Variants in XYLT1 observed in about 807,000 individuals in gnomAD.
The protein encoded by XYLT1 is beta-D-xylosyltransferase 1.
In XYLT1, 36 loss-of-function variants were observed where a neutral mutation model predicts 91.3. The ratio of observed to expected loss-of-function variants is 0.39; its 90% CI spans 0.30 to 0.52. XYLT1 has a LOEUF of 0.52. Ranked by LOEUF, XYLT1 falls within the 20% of genes least tolerant of loss-of-function variation. XYLT1 has a pLI of 0.68. For synonymous variants in XYLT1, 588 were observed against 532.0 expected (o/e 1.11, Z -1.45); for missense variants, 1,242 against 1,284.5 (o/e 0.97, Z 0.51).
At chr16:17,448,601 A>C (rs369440004) in intron 1 of XYLT1, among the ~76,000 whole-genome samples, 78 of 151,874 alleles carry the variant, frequency 5.1e-4, no homozygotes, top group African/African-American at 1.8e-3. Flanking sequence ...AGAGTTGACC[A>C]GGCAAATCTC....
Position 17,418,754 on chromosome 16 carries a change from G to T in XYLT1, c.363+51680C>A, listed in dbSNP as rs1025455320. On this transcript the variant is annotated intron_variant, in intron 1 of 11. Transcript: ENST00000261381. ...TCCCAGCTAGTTGGGAGTCTGAGGT[G>T]GGAGGCTCGCTTGAGACCTGGACAT... 2.6e-5 allele frequency among the ~76,000 whole-genome samples: 4 copies of T among 152,018 alleles called. No homozygotes were observed. The East Asian group carries it at 7.7e-4, about 29-fold the overall frequency.
chr16:17,426,371 C>T (rs902366658), intron 1 of XYLT1, among the ~76,000 whole-genome samples: 1 of 152,024 alleles, frequency 6.6e-6, no homozygotes, highest in Admixed American at 6.6e-5. Context: ...ACCAGCCTGG[C>T]CAACATGGTG....
chr16:17,226,794 A>G (rs1298860669), intron 3 of XYLT1, among the ~76,000 whole-genome samples: 1 of 152,140 alleles, frequency 6.6e-6, no homozygotes, highest in Non-Finnish European at 1.5e-5. Context: ...AAAAATAAAA[A>G]CGAAGTTTCC....
intron 9 of XYLT1, 90 bp downstream of exon 9, chr16:17,134,383 C>A: frequency 1.3e-6 from 2 of 1,522,070 alleles, no homozygotes; most frequent in South Asian, 1.2e-5. Context: ...CATTGCAGAT[C>A]CCTAAAGAGG....
intron 2 of XYLT1, among the ~76,000 whole-genome samples, chr16:17,275,363 G>A (rs2033958310): frequency 6.6e-6 from 1 of 152,152 alleles, no homozygotes; most frequent in Non-Finnish European, 1.5e-5. Context: ...AACTACGCTT[G>A]GCTCAGTGCC....
chr16:17,165,678 G>C (rs2031664259), intron 5 of XYLT1, among the ~76,000 whole-genome samples: 1 of 152,210 alleles, frequency 6.6e-6, no homozygotes, highest in Non-Finnish European at 1.5e-5. Flanking sequence ...GGTGACAAGA[G>C]TGAAACTCTG....
intron 2 of XYLT1, among the ~76,000 whole-genome samples, chr16:17,331,136 C>T (rs1382760332): frequency 6.6e-6 from 1 of 152,232 alleles, no homozygotes; most frequent in Non-Finnish European, 1.5e-5. Context: ...GCTCTGTGCA[C>T]AGGCGAGGCC....
chr16:17,200,864 C>T (rs527340642), intron 3 of XYLT1, among the ~76,000 whole-genome samples: 33 of 152,264 alleles, frequency 2.2e-4, no homozygotes, highest in Non-Finnish European at 2.2e-4. Flanking sequence ...GGGGTTGTTA[C>T]GACATAGTTT....
At chr16:17,447,843 G>A (rs1024079975) in intron 1 of XYLT1, among the ~76,000 whole-genome samples, 16 of 152,308 alleles carry the variant, frequency 1.1e-4, no homozygotes, top group African/African-American at 3.4e-4. Flanking sequence ...TGGGGCTGCA[G>A]TAAGAGTTTT....
chr16:17,274,449 T>C (rs1007057368), intron 2 of XYLT1, among the ~76,000 whole-genome samples: 2 of 152,210 alleles, frequency 1.3e-5, no homozygotes, highest in African/African-American at 4.8e-5. Flanking sequence ...GTCCACTCCC[T>C]GACAGATGGG....
intron 2 of XYLT1, among the ~76,000 whole-genome samples, chr16:17,334,645 A>T (rs1323682875): frequency 2.6e-5 from 4 of 152,202 alleles, no homozygotes; most frequent in Non-Finnish European, 4.4e-5. Flanking sequence ...CAGTCTAGCA[A>T]GGACAGTGAG....
chr16:17,426,153 A>C (rs970109707), intron 1 of XYLT1, among the ~76,000 whole-genome samples: 4 of 152,230 alleles, frequency 2.6e-5, no homozygotes, highest in African/African-American at 9.7e-5. Context: ...AGAAGAAAGG[A>C]CAGATTCCTG....
At chr16:17,269,979 T>C (rs1351382221) in intron 2 of XYLT1, among the ~76,000 whole-genome samples, 1 of 151,722 alleles carries the variant, frequency 6.6e-6, no homozygotes, top group Non-Finnish European at 1.5e-5. Context: ...GCCCAGCTAA[T>C]TTTTTTTGTA....
intron 3 of XYLT1, among the ~76,000 whole-genome samples, chr16:17,256,750 T>A (rs1457748777): frequency 1.3e-5 from 2 of 152,220 alleles, no homozygotes; most frequent in Non-Finnish European, 2.9e-5. Flanking sequence ...ACTTCCTTTC[T>A]TCATCAAGAG....
intron 3 of XYLT1, among the ~76,000 whole-genome samples, chr16:17,247,811 T>C (rs550091599): frequency 1.8e-4 from 28 of 152,200 alleles, no homozygotes; most frequent in Admixed American, 1.8e-3. Flanking sequence ...ATGGCTTGGA[T>C]GTCATGAGAA....
At chr16:17,409,777 T>C (rs1246922703) in intron 1 of XYLT1, among the ~76,000 whole-genome samples, 2 of 152,054 alleles carry the variant, frequency 1.3e-5, no homozygotes, top group Non-Finnish European at 2.9e-5. Context: ...CTCGAACTCC[T>C]GACCTCAAGT....
At chr16:17,136,741 C>T (rs1597144304) in intron 8 of XYLT1, among the ~76,000 whole-genome samples, 1 of 152,080 alleles carries the variant, frequency 6.6e-6, no homozygotes, top group Non-Finnish European at 1.5e-5. Context: ...ACTCTGAGTT[C>T]CTTACAGGCA....
chr16:17,175,359 T>A (rs182289625), intron 5 of XYLT1, among the ~76,000 whole-genome samples: 32 of 152,306 alleles, frequency 2.1e-4, no homozygotes, highest in African/African-American at 7.5e-4. Flanking sequence ...AAGAGTTGCT[T>A]GCTGAGGCAC....
chr16:17,302,648 T>C (rs932140446), intron 2 of XYLT1, among the ~76,000 whole-genome samples: 1 of 152,244 alleles, frequency 6.6e-6, no homozygotes, highest in Non-Finnish European at 1.5e-5. Context: ...GATGGTCCTA[T>C]GGTTGTGTTT....
Sources: allele counts gnomAD v4.1 joint callset (sites outside exome capture counted in the v4.1 genomes callset), GRCh38; gene constraint gnomAD v4.1.1; transcripts MANE v1.5; gene names NCBI Gene and HGNC (gene_info 2026-07-23, HGNC 2026-07-21).